The following SSUH2 variants were observed in gnomAD, a reference collection of about 807,000 sequenced individuals.
The protein encoded by SSUH2 is protein SSUH2 homolog.
In SSUH2, 47 loss-of-function variants were observed where a neutral mutation model predicts 55.3. The ratio of observed to expected loss-of-function variants is 0.85; its 90% confidence interval spans 0.67 to 1.08. SSUH2 has a LOEUF of 1.08. Ranked by LOEUF, SSUH2 falls within the 50% of genes least tolerant of loss-of-function variation. The pLI, the probability that SSUH2 is intolerant of heterozygous loss-of-function variation, is 0.00. For synonymous variants in SSUH2, 212 were observed against 191.5 expected, an observed-to-expected ratio of 1.11 and a Z score of -0.89; for missense variants, 535 against 490.7, an observed-to-expected ratio of 1.09 and a Z score of -0.85.
At chr3:8,673,949 C>A (rs1704914150) in intron 3 of SSUH2, among the ~76,000 whole-genome samples, 1 of 152,102 alleles carries the variant, frequency 6.6e-6, no homozygotes, top group African/African-American at 2.4e-5. Context: ...GTATACTCCC[C>A]TTGATCCCGA....
chr3:8,647,553 T>C (rs1464322833), upstream of SSUH2, among the ~76,000 whole-genome samples: 1 of 152,182 alleles, frequency 6.6e-6, no homozygotes, highest in African/African-American at 2.4e-5. Context: ...GGAGAAGTAC[T>C]CCCAGGGGGC....
At position 8,635,391 on chromosome 3, in the gene SSUH2, G is replaced by C. The variant is rs1354934532; in HGVS notation, c.128-10C>G. On this transcript the variant is annotated splice_polypyrimidine_tract_variant and intron_variant, in intron 2 of 11. Transcript: ENST00000544814. The stretch of plus-strand genomic sequence containing the variant: ...AAGAATATCTGTCCTCCTGGAGAAG[G>C]GAAGAGTCAGGGGCTGGACAGCCCA... 6.5e-7 allele frequency: 1 copy of C among 1,532,850 alleles called. No homozygotes were observed. The highest frequency in any genetic ancestry group is 8.7e-7 in the Non-Finnish European group (1 of 1,144,076). 95.0% of individuals were successfully genotyped at this position (1,532,850 alleles called of 1,614,324 possible).
At chr3:8,673,655 G>A (rs1346065271) in intron 3 of SSUH2, among the ~76,000 whole-genome samples, 1 of 152,328 alleles carries the variant, frequency 6.6e-6, no homozygotes, top group Non-Finnish European at 1.5e-5. Flanking sequence ...AAAAGGCGGA[G>A]AGGGCTCCAC....
Position 8,635,812 on chromosome 3 carries a change from G to A in SSUH2, c.74C>T (p.Pro25Leu). 1.3e-6 allele frequency: 2 copies of A among 1,536,028 alleles called. No individual in the cohort carries two copies. Among genetic ancestry groups the A allele is most frequent in the Non-Finnish European group, 1.7e-6 (2 of 1,146,872 alleles). The change falls in exon 2 of 12, where the codon CCC becomes CTC. Residue 25 changes from proline (P) to leucine (L), a missense_variant. Pro to Leu is a moderately conservative substitution (Grantham distance 98). Coordinates refer to ENST00000544814, the MANE Select transcript of SSUH2 (RefSeq NM_001256748.3). ...SFEAESPLAP[P>L]TELLERLPSY... ...GGGCAGTCTCTCCAGGAGCTCTGTGGGGGGCGCCAGAGGACTCTCGGCCTC... is the reference window on the plus strand; with the variant it reads ...GGGCAGTCTCTCCAGGAGCTCTGTGAGGGGCGCCAGAGGACTCTCGGCCTC...
At chr3:8,670,515 G>C (rs904612138) in intron 5 of SSUH2, among the ~76,000 whole-genome samples, 2 of 151,878 alleles carry the variant, frequency 1.3e-5, no homozygotes, top group African/African-American at 4.8e-5. Flanking sequence ...TAGGATATTA[G>C]GAATAGTATC....
chr3:8,663,358 G>A (rs747542185), intron 6 of SSUH2, among the ~76,000 whole-genome samples: 37 of 152,266 alleles, frequency 2.4e-4, no homozygotes, highest in Non-Finnish European at 5.0e-4. Flanking sequence ...CTGACATACA[G>A]AGAACAGCAA....
At chr3:8,624,807 C>G (rs1446718724) in intron 10 of SSUH2, among the ~76,000 whole-genome samples, 2 of 152,162 alleles carry the variant, frequency 1.3e-5, no homozygotes, top group Non-Finnish European at 2.9e-5. Context: ...GCAGGACCCT[C>G]TCCTCTGGCT....
intron 7 of SSUH2, among the ~76,000 whole-genome samples, chr3:8,655,579 G>GC (rs973181103): frequency 2.6e-5 from 4 of 152,034 alleles, no homozygotes; most frequent in African/African-American, 9.7e-5. Context: ...GGTCATTCTT[G>GC]CCCCCATTAG....
chr3:8,630,048 G>A (rs1483937427), intron 6 of SSUH2, among the ~76,000 whole-genome samples: 2 of 152,164 alleles, frequency 1.3e-5, no homozygotes, highest in Non-Finnish European at 2.9e-5. Flanking sequence ...TGCCCATAAG[G>A]TAGCTAATGT....
At chr3:8,653,379 G>A (rs73125187) in intron 7 of SSUH2, among the ~76,000 whole-genome samples, 1,830 of 152,262 alleles carry the variant, frequency 0.012, 34 homozygotes, top group African/African-American at 0.04. Flanking sequence ...CACCTCCAAT[G>A]TCCACATGTC....
In SSUH2 at chr3:8,619,865, A is replaced by C. The variant is rs755389990; in HGVS notation, c.*3T>G. On this transcript the variant is annotated 3_prime_UTR_variant, in exon 12 of 12. Transcript: ENST00000544814. ...GGCAGGCTCTGGGGACAGCCATGCTATGTCACACGATGGTACAGCCACAGC... is the reference window on the plus strand; with the variant it reads ...GGCAGGCTCTGGGGACAGCCATGCTCTGTCACACGATGGTACAGCCACAGC... 20 of 1,612,990 alleles carry C rather than the reference A, an allele frequency of 1.2e-5. No individual in the cohort carries two copies. The highest frequency in any genetic ancestry group is 1.7e-5 in the Non-Finnish European group (20 of 1,179,674).
At position 8,635,764 on chromosome 3, in the gene SSUH2, C is replaced by G. The variant is rs1352198389; in HGVS notation, c.122G>C (p.Gly41Ala). 6.5e-7 allele frequency: 1 copy of G among 1,535,464 alleles called. No individual in the cohort carries two copies. The highest frequency in any genetic ancestry group is 2.4e-5 in the East Asian group (1 of 40,904). ...CAAGCCCTCTTGGAACTTACTGCCC[C>G]CTTGAAGAAGCCAGTCATAGCTGGG... The part of the protein sequence containing the change: ...RLPSYDWLLQ[G>A]GRGQIFFPPL... The change falls in exon 2 of 12, where the codon GGG becomes GCG. Residue 41 changes from glycine (G) to alanine (A), a missense_variant. Physicochemically the swap from Gly to Ala is moderately conservative, Grantham distance 60. Coordinates refer to ENST00000544814, the MANE Select transcript of SSUH2 (RefSeq NM_001256748.3).
At chr3:8,650,973 T>C (rs544567197) in intron 7 of SSUH2, among the ~76,000 whole-genome samples, 1 of 152,344 alleles carries the variant, frequency 6.6e-6, no homozygotes, top group East Asian at 1.9e-4. Flanking sequence ...ACAGAGTGGC[T>C]CATTTCCAGC....
intron 5 of SSUH2, among the ~76,000 whole-genome samples, chr3:8,665,120 T>C (rs1011893015): frequency 6.6e-6 from 1 of 152,094 alleles, no homozygotes; most frequent in Non-Finnish European, 1.5e-5. Flanking sequence ...ATATTTATTA[T>C]TAAAAAAGGT....
intron 2 of SSUH2, among the ~76,000 whole-genome samples, chr3:8,677,999 A>C (rs1968932): frequency 0.035 from 5,006 of 144,924 alleles, 233 homozygotes; most frequent in African/African-American, 0.085. Flanking sequence ...AGAACAGTAT[A>C]ACAGGGGTTT....
At position 8,635,832 on chromosome 3, in the gene SSUH2, G is replaced by C. The variant is rs761609116; in HGVS notation, c.54C>G (p.Ala18=). ...CTGTGGGGGGCGCCAGAGGACTCTC[G>C]GCCTCAAAACTGAGGTCCACCACAC... ...DDSVVDLSFE[A]ESPLAPPTEL... The change falls in exon 2 of 12, where the codon GCC becomes GCG. Residue 18 remains alanine (A), a synonymous_variant. Transcript: ENST00000544814. 1 of 1,535,852 alleles carries C rather than the reference G, an allele frequency of 6.5e-7. No homozygotes were observed. Among genetic ancestry groups the C allele is most frequent in the Non-Finnish European group, 8.7e-7 (1 of 1,146,832 alleles).
upstream of SSUH2, among the ~76,000 whole-genome samples, chr3:8,648,495 C>T (rs112764108): frequency 6.8e-3 from 1,037 of 152,284 alleles, 13 homozygotes; most frequent in African/African-American, 0.024. Context: ...CACCTTCCAC[C>T]TTTCCTTTTC....
chr3:8,629,633 C>CTGATTCACCAGTGGTTCACAGA, intron 7 of SSUH2, 31 bp downstream of exon 7: 3 of 1,587,722 alleles, frequency 1.9e-6, no homozygotes, highest in Non-Finnish European at 2.6e-6. Flanking sequence ...CACACCCTCA[C>CTGATTCACCAGTGGTTCACAGA]TGACTCACCA....
intron 4 of SSUH2, among the ~76,000 whole-genome samples, chr3:8,633,379 GGTGATCCTGACCTC>G (rs1699245038): frequency 2.4e-5 from 1 of 41,760 alleles, no homozygotes; most frequent in Non-Finnish European, 6.9e-5. Flanking sequence ...ACTCACCTCA[GGTGATCCTGACCTC>G]AGGTGATCCA....
Sources: gnomAD v4.1 joint callset for allele counts (sites outside exome capture counted in the v4.1 genomes callset) on GRCh38, gnomAD v4.1.1 for gene constraint, MANE v1.5 for transcripts, NCBI Gene and HGNC (gene_info 2026-07-23, HGNC 2026-07-21) for gene names.